The following AKAP6 variants were observed in gnomAD, a reference collection of about 807,000 sequenced individuals.
The protein encoded by AKAP6 is A-kinase anchoring protein 6.
Under a neutral mutation model 188.5 loss-of-function variants are expected in AKAP6, and 58 were observed. The ratio of observed to expected loss-of-function variants is 0.31; its 90% CI spans 0.25 to 0.38. The LOEUF (loss-of-function observed/expected upper bound fraction) is 0.38. Among genes scored for constraint, AKAP6 ranks in the 10% least tolerant of loss-of-function variants. AKAP6 has a pLI of 1.00. For missense variants in AKAP6, 2,710 were observed against 2,740.0 expected, an observed-to-expected ratio of 0.99 and a Z score of 0.24; for synonymous variants, 989 against 998.6, an observed-to-expected ratio of 0.99 and a Z score of 0.18.
At chr14:32,501,026 T>C (rs1331640036) in intron 2 of AKAP6, among the ~76,000 whole-genome samples, 1 of 152,148 alleles carries the variant, frequency 6.6e-6, no homozygotes, top group Non-Finnish European at 1.5e-5. Context: ...CTATCAGTTA[T>C]TCAAGGACTG....
chr14:32,357,587 A>C (rs964327695), intron 1 of AKAP6, among the ~76,000 whole-genome samples: 50 of 152,354 alleles, frequency 3.3e-4, no homozygotes, highest in African/African-American at 1.2e-3. Flanking sequence ...ATTTAGAGAC[A>C]GAATTACTGA....
chr14:32,653,934 G>A (rs766195410), intron 7 of AKAP6, among the ~76,000 whole-genome samples: 15 of 152,016 alleles, frequency 9.9e-5, no homozygotes, highest in East Asian at 5.8e-4. Context: ...GAGTTTCTGC[G>A]TATTAAAAAC....
intron 2 of AKAP6, among the ~76,000 whole-genome samples, chr14:32,457,402 T>G (rs1189646206): frequency 1.3e-5 from 2 of 152,176 alleles, no homozygotes; most frequent in Non-Finnish European, 2.9e-5. Context: ...TGGTGTGGAA[T>G]AGAGGTAACT....
intron 2 of AKAP6, among the ~76,000 whole-genome samples, chr14:32,469,889 A>G (rs1878678816): frequency 6.6e-6 from 1 of 152,148 alleles, no homozygotes; most frequent in Admixed American, 6.6e-5. Flanking sequence ...GACATATTTT[A>G]TCGCTTTTCA....
rs146597939 is a variant in AKAP6 at position 32,835,760 on chromosome 14, TTTTC to T, written c.*5962_*5965del. 0.38 allele frequency: 58,269 copies of T among 151,896 alleles called. 12,386 individuals carry two copies. The highest frequency in any genetic ancestry group is 0.48 in the Non-Finnish European group (32,707 of 67,862). 9.4% of individuals were successfully genotyped at this position (151,896 alleles called of 1,614,324 possible). A position where few individuals can be genotyped will look rare whatever the true frequency, so the allele number is the denominator to read the frequency against. On this transcript the variant is annotated 3_prime_UTR_variant, in exon 14 of 14. Coordinates refer to ENST00000280979, the MANE Select transcript of AKAP6 (RefSeq NM_004274.5). ...AGATGTTCAAAAAGAATAGTCCTTC[TTTTC>T]TTTCTTAAATTCACCTTTGATAGCA...
At chr14:32,403,199 T>G (rs143649627) in intron 1 of AKAP6, 55 of 152,294 alleles carry the variant, frequency 3.6e-4, no homozygotes, top group African/African-American at 1.3e-3. Flanking sequence ...ACCATAGCTG[T>G]CAACAGAATC....
rs558000500 is a variant in AKAP6 at position 32,618,610 on chromosome 14, G to T, written c.2730+17818G>T. Among the ~76,000 whole-genome samples, 4 of 152,234 alleles carry T rather than the reference G, an allele frequency of 2.6e-5. No homozygotes were observed. In the East Asian group the frequency reaches 7.7e-4, roughly 29 times the overall value. ...CTACTCATTGGTTGATGGGTACTTA[G>T]GTTGGTTCCATATCTTTGCAACTGT... On this transcript the variant is annotated intron_variant, in intron 7 of 13. Transcript: ENST00000280979.
At chr14:32,772,606 C>T (rs1033129222) in intron 11 of AKAP6, among the ~76,000 whole-genome samples, 3 of 152,106 alleles carry the variant, frequency 2.0e-5, no homozygotes, top group African/African-American at 7.2e-5. Flanking sequence ...ATCTGATACC[C>T]CCACTCCAAG....
In AKAP6 at chr14:32,774,124, T is replaced by C. The variant is rs944130097; in HGVS notation, c.3588+231T>C. ...ATAACACTGACATTTATTTGCTTTA[T>C]TAAAATTCCTTTAGTGTACCTCATT... On this transcript the variant is annotated intron_variant, in intron 12 of 13. Transcript: ENST00000280979. 4 of 539,136 alleles carry C rather than the reference T, an allele frequency of 7.4e-6. No homozygotes were observed. In the Admixed American group the frequency reaches 9.5e-5, roughly 13 times the overall value. 33.4% of individuals were successfully genotyped at this position (539,136 alleles called of 1,614,324 possible). A position where few individuals can be genotyped will look rare whatever the true frequency, so the allele number is the denominator to read the frequency against.
chr14:32,352,103 T>TTG (rs398024717), intron 1 of AKAP6, among the ~76,000 whole-genome samples: 1,985 of 120,320 alleles, frequency 0.016, 27 homozygotes, highest in Middle Eastern at 0.042. Flanking sequence ...GTGTGTGTGT[T>TTG]TGTGTGTGTG....
intron 2 of AKAP6, among the ~76,000 whole-genome samples, chr14:32,489,969 A>T (rs942213321): frequency 6.6e-6 from 1 of 152,138 alleles, no homozygotes; most frequent in Non-Finnish European, 1.5e-5. Context: ...ATTAGTTCTT[A>T]TAGGTTTTGG....
intron 11 of AKAP6, among the ~76,000 whole-genome samples, chr14:32,737,516 A>G (rs769295806): frequency 2.6e-5 from 4 of 152,150 alleles, no homozygotes; most frequent in Non-Finnish European, 5.9e-5. Context: ...CCATAAACCC[A>G]AAGAACAGGT....
In AKAP6 at chr14:32,332,518, G is replaced by A. The variant is rs372980549; in HGVS notation, c.-35+3110G>A. 4.3e-4 allele frequency among the ~76,000 whole-genome samples: 66 copies of A among 152,182 alleles called. No homozygotes were observed. The South Asian group carries it at 0.012, about 28-fold the overall frequency. ...CTTGCTTGATATAACTTTCTAGCAGGATCTCTGTATGGAAAATGTTACATC... is the reference window on the plus strand; with the variant it reads ...CTTGCTTGATATAACTTTCTAGCAGAATCTCTGTATGGAAAATGTTACATC... On this transcript the variant is annotated intron_variant, in intron 1 of 13. Coordinates refer to ENST00000280979, the MANE Select transcript of AKAP6 (RefSeq NM_004274.5).
At chr14:32,787,999 C>T (rs868070729) in intron 12 of AKAP6, among the ~76,000 whole-genome samples, 1 of 135,646 alleles carries the variant, frequency 7.4e-6, no homozygotes, top group Non-Finnish European at 1.5e-5. Context: ...CGTAATTATA[C>T]CACTTCATTC....
chr14:32,433,452 C>A lies in AKAP6; in HGVS notation c.-34-8C>A. On this transcript the variant is annotated splice_polypyrimidine_tract_variant and splice_region_variant and intron_variant, in intron 1 of 13. Coordinates refer to ENST00000280979, the MANE Select transcript of AKAP6 (RefSeq NM_004274.5). The stretch of plus-strand genomic sequence containing the variant: ...ACTCTTGCTTTCTTCTTTCCTCTTG[C>A]CTTTCAGCTGTTTTGGAAAGAAGTG... The A allele has an allele frequency of 1.9e-6, 3 of 1,556,680 alleles. No homozygotes were observed. Among genetic ancestry groups the A allele is most frequent in the Non-Finnish European group, 2.6e-6 (3 of 1,136,506 alleles).
chr14:32,677,685 C>T (rs1255663865), intron 7 of AKAP6, among the ~76,000 whole-genome samples: 1 of 152,176 alleles, frequency 6.6e-6, no homozygotes, highest in African/African-American at 2.4e-5. Flanking sequence ...TGATAGAAAA[C>T]AGCATGGTGA....
chr14:32,483,771 A>C lies in AKAP6; in HGVS notation c.324+49954A>C, dbSNP rs532495926. On this transcript the variant is annotated intron_variant, in intron 2 of 13. Coordinates refer to ENST00000280979, the MANE Select transcript of AKAP6 (RefSeq NM_004274.5). Reference sequence around the variant, plus strand: ...AGTTCTGGGATTACAGGTGTGAGCCACTGTGCCCCCCAGATTTATTTATTG... The same window carrying C: ...AGTTCTGGGATTACAGGTGTGAGCCCCTGTGCCCCCCAGATTTATTTATTG... Among the ~76,000 whole-genome samples the C allele has an allele frequency of 4.6e-5, 7 of 152,210 alleles. No individual in the cohort carries two copies. In the South Asian group the frequency reaches 1.5e-3, roughly 32 times the overall value.
chr14:32,479,096 A>G (rs1879212447), intron 2 of AKAP6, among the ~76,000 whole-genome samples: 1 of 152,204 alleles, frequency 6.6e-6, no homozygotes, highest in Non-Finnish European at 1.5e-5. Context: ...CCAAGTAGAC[A>G]TCGACTCACT....
chr14:32,526,570 G>A lies in AKAP6; in HGVS notation c.325-8984G>A, dbSNP rs991151205. Among the ~76,000 whole-genome samples, 12 of 152,038 alleles carry A rather than the reference G, an allele frequency of 7.9e-5. No individual in the cohort carries two copies. In the South Asian group the frequency reaches 2.5e-3, roughly 32 times the overall value. ...ACTTTTTGTATCTTTTGTAGAGATG[G>A]GTTTTTGCCACATTGCCCAGGGTGG... On this transcript the variant is annotated intron_variant, in intron 2 of 13. Coordinates refer to ENST00000280979, the MANE Select transcript of AKAP6 (RefSeq NM_004274.5).
Sources: allele counts gnomAD v4.1 joint callset (sites outside exome capture counted in the v4.1 genomes callset), GRCh38; gene constraint gnomAD v4.1.1; transcripts MANE v1.5; gene names NCBI Gene and HGNC (gene_info 2026-07-23, HGNC 2026-07-21).